Variants in CCDC186 observed in about 807,000 individuals in gnomAD.
CCDC186 encodes coiled-coil domain containing 186.
CCDC186 carries 49 observed loss-of-function variants against 113.7 expected under a neutral mutation model. The ratio of observed to expected loss-of-function variants is 0.43; its 90% CI spans 0.34 to 0.55. The LOEUF is 0.55. CCDC186 is among the 20% of genes least tolerant of loss of function. CCDC186 has a pLI of 0.02. For synonymous variants in CCDC186, 355 were observed against 345.8 expected (o/e 1.03, Z -0.30); for missense variants, 890 against 1,011.1 (o/e 0.88, Z 1.62).
chr10:114,153,378 T>C (rs1222087132), intron 3 of CCDC186, among the ~76,000 whole-genome samples: 2 of 151,760 alleles, frequency 1.3e-5, no homozygotes, highest in Non-Finnish European at 2.9e-5. Flanking sequence ...GCAAGGGAAA[T>C]TAGAAAGTAC....
intron 7 of CCDC186, among the ~76,000 whole-genome samples, 181 bp downstream of exon 7, chr10:114,137,005 T>C (rs1031893132): frequency 6.6e-6 from 1 of 151,994 alleles, no homozygotes; most frequent in Admixed American, 6.6e-5. Flanking sequence ...TAATCCCAGC[T>C]ACTTGGGAGG....
chr10:114,149,656 G>GC (rs2031766389), intron 4 of CCDC186, among the ~76,000 whole-genome samples: 1 of 119,114 alleles, frequency 8.4e-6, no homozygotes. Context: ...TGCGAAGGAA[G>GC]GAAGGAAGGA....
At chr10:114,131,005 A>G (rs2031068728) in intron 12 of CCDC186, 142 bp downstream of exon 12, 2 of 614,794 alleles carry the variant, frequency 3.3e-6, no homozygotes. Flanking sequence ...ATGAAATTCC[A>G]AGAAGTTTAA....
chr10:114,154,210 C>CAAAAAAAAAAAAAA (rs1276405190), intron 3 of CCDC186, among the ~76,000 whole-genome samples: 4 of 81,126 alleles, frequency 4.9e-5, no homozygotes, highest in Non-Finnish European at 8.0e-5. Context: ...GACCTTGTCT[C>CAAAAAAAAAAAAAA]AAAAAAAAAA....
intron 1 of CCDC186, among the ~76,000 whole-genome samples, chr10:114,170,801 TCA>T (rs145923036): frequency 5.0e-4 from 75 of 151,246 alleles, no homozygotes; most frequent in East Asian, 3.5e-3. Context: ...GTGCATTATA[TCA>T]CACACACACA....
chr10:114,166,022 G>C (rs2032327667), intron 1 of CCDC186: 1 of 752,720 alleles, frequency 1.3e-6, no homozygotes, highest in Non-Finnish European at 1.6e-6. Context: ...GTTTTTTGTA[G>C]TAACCAAAAG....
Position 114,151,169 on chromosome 10 carries a change from G to T in CCDC186, c.811C>A (p.Gln271Lys), listed in dbSNP as rs7095762. The T allele has an allele frequency of 0.22, 360,336 of 1,607,194 alleles. 42,297 individuals are homozygous for T. Among genetic ancestry groups the T allele is most frequent in the African/African-American group, 0.32 (24,258 of 74,690 alleles). The change falls in exon 4 of 16, where the codon CAA becomes AAA. Residue 271 changes from glutamine to lysine, a missense_variant. Coordinates refer to ENST00000369287, the MANE Select transcript of CCDC186 (RefSeq NM_018017.4). ...LNKEVKASRD[Q>K]LIAQDVTAKN... ...GCTGTAACGTCTTGAGCTATTAGTT[G>T]ATCTCTGGAAGCTTTAACTTCTTTA... is the stretch of plus-strand genomic sequence containing the variant.
intron 4 of CCDC186, among the ~76,000 whole-genome samples, chr10:114,146,962 C>A (rs903504495): frequency 6.6e-6 from 1 of 152,122 alleles, no homozygotes; most frequent in Non-Finnish European, 1.5e-5. Context: ...AAAAATCTCC[C>A]AATTGGGATT....
Position 114,149,589 on chromosome 10 carries a change from G to A in CCDC186, c.888+1503C>T, listed in dbSNP as rs571852512. On this transcript the variant is annotated intron_variant, in intron 4 of 15. Coordinates refer to ENST00000369287, the MANE Select transcript of CCDC186 (RefSeq NM_018017.4). ...AAAGGGAAGGGAAGGGAAGGGAAGG[G>A]AAGGGAAGGGAAGGGAAGGGAAGGG... Among the ~76,000 whole-genome samples, 10 of 32,396 alleles carry A rather than the reference G, an allele frequency of 3.1e-4. 1 individual carries two copies. Among genetic ancestry groups the A allele is most frequent in the African/African-American group, 5.0e-4 (3 of 5,958 alleles). The allele number at this position is 32,396 out of a possible 152,430, so 21.3% of individuals were successfully genotyped here.
chr10:114,174,032 C>T lies in CCDC186; in HGVS notation c.-79G>A. ...ACACTTACCCCACTTATCCAAGCCT[C>T]AGGCCACGCCCTAACAAGGCTGCTG... On this transcript the variant is annotated 5_prime_UTR_variant, in exon 1 of 16. Transcript: ENST00000369287. 2.1e-6 allele frequency: 1 copy of T among 471,774 alleles called. No individual in the cohort carries two copies. Among genetic ancestry groups the T allele is most frequent in the Non-Finnish European group, 4.4e-6 (1 of 227,062 alleles). The allele number at this position is 471,774 out of a possible 1,614,324, so 29.2% of individuals were successfully genotyped here.
At chr10:114,142,698 T>C (rs1323347458) in intron 6 of CCDC186, among the ~76,000 whole-genome samples, 3 of 152,168 alleles carry the variant, frequency 2.0e-5, no homozygotes, top group Non-Finnish European at 4.4e-5. Flanking sequence ...TAATATGCAC[T>C]GGGGGTCTGA....
chr10:114,135,592 T>C (rs1235125142), intron 9 of CCDC186, among the ~76,000 whole-genome samples: 2 of 152,164 alleles, frequency 1.3e-5, no homozygotes, highest in African/African-American at 4.8e-5. Flanking sequence ...CAACTATCTT[T>C]CCAATTGATT....
At position 114,155,601 on chromosome 10, in the gene CCDC186, G is replaced by T. The variant is rs186634971; in HGVS notation, c.759+1953C>A. 1.3e-4 allele frequency among the ~76,000 whole-genome samples: 20 copies of T among 152,160 alleles called. No individual in the cohort carries two copies. In the East Asian group the frequency reaches 3.9e-3, roughly 29 times the overall value. ...GAGGCAGAAGAATCGCTTGAACCTG[G>T]GAGGTAGTGGTTGCTATGAGCCGAG... On this transcript the variant is annotated intron_variant, in intron 3 of 15. Coordinates refer to ENST00000369287, the MANE Select transcript of CCDC186 (RefSeq NM_018017.4).
At chr10:114,145,837 G>C (rs2031623936) in intron 4 of CCDC186, 76 bp from the exon 5 acceptor site, 1 of 1,325,690 alleles carries the variant, frequency 7.5e-7, no homozygotes, top group Admixed American at 2.5e-5. Context: ...CATGGTATTT[G>C]TCTCTTATAT....
intron 3 of CCDC186, among the ~76,000 whole-genome samples, chr10:114,154,040 T>C (rs2119816548): frequency 6.6e-6 from 1 of 151,070 alleles, no homozygotes; most frequent in East Asian, 1.9e-4. Context: ...TGAAAACCCA[T>C]CTCCACAAAA....
rs1218882594 is a variant in CCDC186 at position 114,121,562 on chromosome 10, TTTTTA to T, written c.*3576_*3580del. On this transcript the variant is annotated 3_prime_UTR_variant, in exon 16 of 16. Transcript: ENST00000369287. ...TAATGCCATCTTATGGTCTTTGGAT[TTTTTA>T]TTTTTTCTTAAATAATGAAAATCAA... 1.3e-5 allele frequency: 2 copies of T among 152,228 alleles called. No individual in the cohort carries two copies. Among genetic ancestry groups the T allele is most frequent in the Admixed American group, 6.5e-5 (1 of 15,280 alleles). 9.4% of individuals were successfully genotyped at this position (152,228 alleles called of 1,614,324 possible).
rs1288537705 is a variant in CCDC186 at position 114,127,676 on chromosome 10, A to C, written c.2183-5T>G. On this transcript the variant is annotated splice_region_variant and splice_polypyrimidine_tract_variant and intron_variant, in intron 13 of 15. Transcript: ENST00000369287. ...TGCTTCGAGCATTCAGGGACCCTGAAGACAAAAAAAATTGGTTTAGATACT... is the reference window on the plus strand; with the variant it reads ...TGCTTCGAGCATTCAGGGACCCTGACGACAAAAAAAATTGGTTTAGATACT... 6.2e-7 allele frequency: 1 copy of C among 1,612,314 alleles called. No individual in the cohort carries two copies. Among genetic ancestry groups the C allele is most frequent in the Non-Finnish European group, 8.5e-7 (1 of 1,179,514 alleles).
In CCDC186 at chr10:114,163,157, A is replaced by C. The variant is rs1164739287; in HGVS notation, c.112T>G (p.Leu38Val). ...GACAATAGTTTGGACTCATTTTCTA[A>C]TTTGCTGCTTTCATTGCCAGAAAAC... ...NLFSGNESSKLENESKLLSLN... is the reference protein window; with the variant it reads ...NLFSGNESSKVENESKLLSLN... The change falls in exon 2 of 16, where the codon TTA (leucine) becomes GTA (valine). Residue 38 changes from leucine to valine, a missense_variant. Transcript: ENST00000369287. 3.1e-6 allele frequency: 5 copies of C among 1,613,854 alleles called. No individual in the cohort carries two copies. In the South Asian group the frequency reaches 5.5e-5, roughly 18 times the overall value.
At chr10:114,159,881 G>A (rs1239847805) in intron 2 of CCDC186, among the ~76,000 whole-genome samples, 1 of 152,098 alleles carries the variant, frequency 6.6e-6, no homozygotes, top group East Asian at 1.9e-4. Flanking sequence ...AGGACAACTT[G>A]AGCACAGGAG....
Sources: gnomAD v4.1 joint callset for allele counts (sites outside exome capture counted in the v4.1 genomes callset) on GRCh38, gnomAD v4.1.1 for gene constraint, MANE v1.5 for transcripts, NCBI Gene and HGNC (gene_info 2026-07-23, HGNC 2026-07-21) for gene names.